Variants in SHMT1 observed in about 807,000 individuals in gnomAD.
The protein encoded by SHMT1 is serine hydroxymethyltransferase, cytosolic.
A neutral mutation model predicts 49.0 loss-of-function variants in SHMT1; 45 were observed. The observed-to-expected ratio is 0.92, with a 90% CI of 0.72 to 1.18. The LOEUF (loss-of-function observed/expected upper bound fraction) is 1.18, where lower values mean the gene tolerates loss of function less well. Ranked by LOEUF, SHMT1 falls within the 50% of genes most tolerant of loss-of-function variation. The pLI is 0.00. For synonymous variants in SHMT1, 232 were observed against 246.6 expected (o/e 0.94, Z 0.55); for missense variants, 541 against 612.4 (o/e 0.88, Z 1.23).
At chr17:18,335,266 T>G (rs983698747) in intron 8 of SHMT1, among the ~76,000 whole-genome samples, 2 of 152,188 alleles carry the variant, frequency 1.3e-5, no homozygotes, top group Non-Finnish European at 2.9e-5. Context: ...ACCTGTGCTT[T>G]GCCCTCTCCT....
intron 3 of SHMT1, among the ~76,000 whole-genome samples, chr17:18,349,942 C>T (rs988294843): frequency 6.6e-6 from 1 of 151,992 alleles, no homozygotes; most frequent in Non-Finnish European, 1.5e-5. Context: ...ATTGCTTGAA[C>T]CTGGGAGGCG....
At position 18,359,186 on chromosome 17, in the gene SHMT1, C is replaced by T. The variant is rs532224326; in HGVS notation, c.-19-3186G>A. ...CCGGGAGGCGGAAGTTGTAGTGAGC[C>T]GAGATCACACCACTGCACTCTAGCC... is the stretch of plus-strand genomic sequence containing the variant. On this transcript the variant is annotated intron_variant, in intron 1 of 11. Transcript: ENST00000316694. 1.3e-4 allele frequency among the ~76,000 whole-genome samples: 19 copies of T among 150,212 alleles called. No individual in the cohort carries two copies. The East Asian group carries it at 3.4e-3, about 27-fold the overall frequency.
intron 8 of SHMT1, among the ~76,000 whole-genome samples, chr17:18,333,670 A>G (rs903480251): frequency 1.3e-5 from 2 of 151,676 alleles, no homozygotes; most frequent in African/African-American, 2.4e-5. Context: ...GGGTTTCACT[A>G]TATTGGCCAG....
chr17:18,332,180 G>C (rs1462016975), intron 9 of SHMT1: 1 of 152,296 alleles, frequency 6.6e-6, no homozygotes, highest in African/African-American at 2.4e-5. Flanking sequence ...TTCACAGTCT[G>C]CACGAGGACT....
chr17:18,351,393 AG>A (rs1388064132), intron 3 of SHMT1, among the ~76,000 whole-genome samples: 9 of 150,548 alleles, frequency 6.0e-5, no homozygotes, highest in Admixed American at 6.0e-4. Context: ...TGATCCACCC[AG>A]CTCGGCCTCC....
rs1281838643 is a variant in SHMT1, at chr17:18,350,737, T to TC, written c.243-2298_243-2297insG. 4.1e-5 allele frequency among the ~76,000 whole-genome samples: 6 copies of TC among 146,872 alleles called. No homozygotes were observed. In the South Asian group the frequency reaches 1.1e-3, roughly 26 times the overall value. On this transcript the variant is annotated intron_variant, in intron 3 of 11. Coordinates refer to ENST00000316694, the MANE Select transcript of SHMT1 (RefSeq NM_004169.5). Reference sequence around the variant, plus strand: ...TTAACGTTAGGTCAACACTGTTTTCTTTTTTTTTTTTCTGAGATGGAGTCT... The same window carrying TC: ...TTAACGTTAGGTCAACACTGTTTTCTCTTTTTTTTTTTCTGAGATGGAGTCT...
chr17:18,329,479 CT>C, intron 10 of SHMT1, 91 bp from the exon 11 acceptor site: 5 of 1,016,908 alleles, frequency 4.9e-6, no homozygotes, highest in Middle Eastern at 3.0e-4. Context: ...CAAAAGAGAA[CT>C]GGCCTGAGGA....
intron 5 of SHMT1, chr17:18,341,759 C>T (rs1984549605): frequency 6.7e-6 from 1 of 149,690 alleles, no homozygotes; most frequent in Non-Finnish European, 1.5e-5. Flanking sequence ...TTACACAAAA[C>T]ATCATTGCGT....
intron 5 of SHMT1, among the ~76,000 whole-genome samples, chr17:18,346,658 G>A (rs2151589223): frequency 6.6e-6 from 1 of 152,174 alleles, no homozygotes; most frequent in East Asian, 1.9e-4. Flanking sequence ...TCATCATTAA[G>A]CTGAAAATAT....
intron 3 of SHMT1, among the ~76,000 whole-genome samples, chr17:18,349,796 G>A (rs1175924806): frequency 1.3e-5 from 2 of 151,746 alleles, no homozygotes; most frequent in East Asian, 1.9e-4. Flanking sequence ...CGAAGTGGGC[G>A]GATCACCTGA....
Position 18,328,670 on chromosome 17 carries a change from T to C in SHMT1, c.*80A>G. The C allele has an allele frequency of 6.8e-7, 1 of 1,469,704 alleles. No homozygotes were observed. The highest frequency in any genetic ancestry group is 9.3e-7 in the Non-Finnish European group (1 of 1,080,612). The allele number at this position is 1,469,704 out of a possible 1,614,324, so 91.0% of individuals were successfully genotyped here. ...GTCAACAGTTCCCCTTTGGAGCAGC[T>C]CATCCATCTCTCAGGTGGGGGTCCT... On this transcript the variant is annotated 3_prime_UTR_variant, in exon 12 of 12. Coordinates refer to ENST00000316694, the MANE Select transcript of SHMT1 (RefSeq NM_004169.5).
At chr17:18,337,216 C>G (rs961980749) in intron 7 of SHMT1, among the ~76,000 whole-genome samples, 4 of 152,204 alleles carry the variant, frequency 2.6e-5, no homozygotes. Flanking sequence ...AAATGAGGAA[C>G]AGAGAGGCTG....
chr17:18,336,487 G>A (rs1409618296), intron 7 of SHMT1, among the ~76,000 whole-genome samples: 1 of 151,990 alleles, frequency 6.6e-6, no homozygotes, highest in African/African-American at 2.4e-5. Flanking sequence ...TCAACATAGT[G>A]AAACCCTGTC....
intron 10 of SHMT1, among the ~76,000 whole-genome samples, chr17:18,330,141 GTT>G (rs933973698): frequency 7.3e-6 from 1 of 136,272 alleles, no homozygotes. Flanking sequence ...ACCTGGCCCA[GTT>G]TTTTTTTTTT....
intron 4 of SHMT1, 186 bp downstream of exon 4, chr17:18,348,139 T>TG: frequency 1.6e-6 from 1 of 633,568 alleles, no homozygotes. Flanking sequence ...AGGCTGGTCT[T>TG]GAACTGCCGG....
At chr17:18,352,765 AAC>A (rs1985850135) in intron 3 of SHMT1, among the ~76,000 whole-genome samples, 1 of 151,950 alleles carries the variant, frequency 6.6e-6, no homozygotes, top group South Asian at 2.1e-4. Context: ...GGCTGCAGTG[AAC>A]CTTGATCACA....
intron 1 of SHMT1, among the ~76,000 whole-genome samples, chr17:18,361,422 G>A (rs1336277505): frequency 6.6e-6 from 1 of 151,498 alleles, no homozygotes; most frequent in African/African-American, 2.4e-5. Context: ...AGATTGCAGT[G>A]GACCGAGATC....
At position 18,329,267 on chromosome 17, in the gene SHMT1, T is replaced by C; in HGVS notation, c.1282+11A>G. The C allele has an allele frequency of 6.3e-7, 1 of 1,594,566 alleles. No homozygotes were observed. Among genetic ancestry groups the C allele is most frequent in the South Asian group, 1.1e-5 (1 of 90,536 alleles). ...AATAAGATGTGGCAACTTCCAAACT[T>C]TTATCCTTACCTCTGTGAATAAAGT... On this transcript the variant is annotated intron_variant, in intron 11 of 11. Transcript: ENST00000316694.
At chr17:18,341,028 G>A in intron 5 of SHMT1, 1 of 592,446 alleles carries the variant, frequency 1.7e-6, no homozygotes, top group South Asian at 1.9e-5. Context: ...CAGGGTTGTA[G>A]TGAGCCCTGC....
Sources: gnomAD v4.1 joint callset for allele counts (sites outside exome capture counted in the v4.1 genomes callset) on GRCh38, gnomAD v4.1.1 for gene constraint, MANE v1.5 for transcripts, NCBI Gene and HGNC (gene_info 2026-07-23, HGNC 2026-07-21) for gene names.